Variants in CES1 observed in about 807,000 individuals in gnomAD.
CES1 encodes liver carboxylesterase 1.
In CES1, 50 loss-of-function variants were observed where a neutral mutation model predicts 53.0. The ratio of observed to expected loss-of-function variants is 0.94; its 90% CI spans 0.75 to 1.19. CES1 has a LOEUF of 1.19. CES1 is among the 50% of genes most tolerant of loss of function. The pLI is 0.00. For synonymous variants in CES1, 202 were observed against 210.1 expected (o/e 0.96, Z 0.33); for missense variants, 534 against 538.0 (o/e 0.99, Z 0.07).
chr16:55,832,267 C>T lies in CES1; in HGVS notation c.52+737G>A, dbSNP rs191993923. ...CCTGTCCCCTCCCCAGGCTCTGCTG[C>T]TTCCCCTTGTGCCCCGCGCACTGGT... On this transcript the variant is annotated intron_variant, in intron 1 of 13. Transcript: ENST00000360526. Among the ~76,000 whole-genome samples the T allele has an allele frequency of 6.7e-3, 1,018 of 152,260 alleles. 1 individual carries two copies. Among genetic ancestry groups the T allele is most frequent in the African/African-American group, 0.023 (944 of 41,540 alleles).
intron 7 of CES1, 47 bp downstream of exon 7, chr16:55,819,488 C>T (rs1246131851): frequency 1.4e-6 from 2 of 1,415,840 alleles, no homozygotes; most frequent in East Asian, 4.5e-5. Context: ...ATGAAGAAGT[C>T]TGGGACCAAG....
intron 4 of CES1, among the ~76,000 whole-genome samples, chr16:55,822,869 T>C (rs2032257869): frequency 6.6e-6 from 1 of 151,928 alleles, no homozygotes; most frequent in African/African-American, 2.4e-5. Flanking sequence ...ACCAACTGAG[T>C]GGCGTGTTCA....
chr16:55,830,010 A>G (rs1351793562), intron 1 of CES1, among the ~76,000 whole-genome samples: 2 of 152,158 alleles, frequency 1.3e-5, no homozygotes, highest in African/African-American at 4.8e-5. Context: ...CAGTCACCTC[A>G]GTTTCTCTGA....
Position 55,822,648 on chromosome 16 carries a change from A to G in CES1, c.539+902T>C, listed in dbSNP as rs1205343502. On this transcript the variant is annotated intron_variant, in intron 4 of 13. Coordinates refer to ENST00000360526, the MANE Select transcript of CES1 (RefSeq NM_001025195.2). ...GGGCTTCAAAGGTGAGGTGGGCTGG[A>G]AACAGGGGCTCTGGCTGCTCCCTGG... Among the ~76,000 whole-genome samples the G allele has an allele frequency of 5.3e-5, 8 of 152,166 alleles. No homozygotes were observed. The East Asian group carries it at 1.5e-3, about 29-fold the overall frequency.
In CES1 at chr16:55,823,539, C is replaced by T. The variant is rs376118109; in HGVS notation, c.539+11G>A. On this transcript the variant is annotated intron_variant, in intron 4 of 13. Coordinates refer to ENST00000360526, the MANE Select transcript of CES1 (RefSeq NM_001025195.2). Reference sequence around the variant, plus strand: ...GGGCCAAAGTGCAGTGAGGAGAGTCCGATTTCTTACCTGAAGAATCCCCAG... The same window carrying T: ...GGGCCAAAGTGCAGTGAGGAGAGTCTGATTTCTTACCTGAAGAATCCCCAG... 103 of 1,610,448 alleles carry T rather than the reference C, an allele frequency of 6.4e-5. 3 individuals carry two copies. The highest frequency in any genetic ancestry group is 3.1e-4 in the East Asian group (14 of 44,876).
intron 2 of CES1, among the ~76,000 whole-genome samples, chr16:55,826,803 T>C (rs1461924142): frequency 1.3e-5 from 2 of 152,156 alleles, no homozygotes; most frequent in African/African-American, 2.4e-5. Context: ...ACCACCTGCC[T>C]CTCCCAGGCA....
chr16:55,826,273 C>A lies in CES1; in HGVS notation c.283G>T (p.Gly95Trp). The A allele has an allele frequency of 6.2e-7, 1 of 1,613,976 alleles. No homozygotes were observed. Among genetic ancestry groups the A allele is most frequent in the Non-Finnish European group, 8.5e-7 (1 of 1,179,876 alleles). The change falls in exon 3 of 14, where the codon GGG (glycine) becomes TGG (tryptophan). Residue 95 changes from glycine to tryptophan, a missense_variant. Physicochemically the swap from Gly to Trp is radical, Grantham distance 184. Around this residue, in one of 5 missense-constraint regions of CES1, gnomAD observed 164 missense variants for 162.4 expected, o/e 1.01. Coordinates refer to ENST00000360526, the MANE Select transcript of CES1 (RefSeq NM_001025195.2). ...PPMCTQDPKA[G>W]QLLSELFTNR... ...GTAAATAGCTCTGAGAGTAACTGCC[C>A]CGCCTTGGGATCTTGGGTGCACCTG...
intron 11 of CES1, among the ~76,000 whole-genome samples, chr16:55,808,948 T>G (rs1316085866): frequency 3.9e-5 from 6 of 151,930 alleles, no homozygotes; most frequent in African/African-American, 1.5e-4. Flanking sequence ...TGGAAATGAG[T>G]GATACATAGT....
intron 4 of CES1, among the ~76,000 whole-genome samples, chr16:55,822,213 G>A (rs1429717839): frequency 2.0e-5 from 3 of 152,364 alleles, no homozygotes; most frequent in Admixed American, 6.5e-5. Flanking sequence ...CAGAGGCATC[G>A]CATGATTCAA....
intron 2 of CES1, chr16:55,827,878 T>A (rs530673706): frequency 6.6e-6 from 1 of 152,222 alleles, no homozygotes; most frequent in African/African-American, 2.4e-5. Flanking sequence ...TATTACATCA[T>A]AATACTTTAC....
intron 9 of CES1, among the ~76,000 whole-genome samples, chr16:55,811,908 G>A (rs146876800): frequency 2.6e-5 from 4 of 152,342 alleles, no homozygotes; most frequent in Non-Finnish European, 5.9e-5. Flanking sequence ...TCTTCCTGCG[G>A]TCTAATGCAT....
At chr16:55,810,893 T>C (rs1391808360) in intron 10 of CES1, 34 bp downstream of exon 10, 1 of 1,581,884 alleles carries the variant, frequency 6.3e-7, no homozygotes, top group African/African-American at 1.3e-5. Flanking sequence ...CCTCTCTGGG[T>C]CTCAGCCAAT....
chr16:55,828,696 A>G, intron 2 of CES1, 71 bp downstream of exon 2: 2 of 1,571,486 alleles, frequency 1.3e-6, no homozygotes, highest in East Asian at 2.2e-5. Flanking sequence ...TCAGCCCGTC[A>G]GGGGACTGCC....
At chr16:55,822,578 C>T (rs1257129370) in intron 4 of CES1, among the ~76,000 whole-genome samples, 4 of 152,012 alleles carry the variant, frequency 2.6e-5, no homozygotes, top group Admixed American at 2.0e-4. Flanking sequence ...GTGGGGCACC[C>T]TTTAGACAGC....
In CES1 at chr16:55,828,514, G is replaced by T. The variant is rs114978065; in HGVS notation, c.260+253C>A. Among the ~76,000 whole-genome samples, 1,353 of 152,188 alleles carry T rather than the reference G, an allele frequency of 8.9e-3. 25 individuals are homozygous for T. Among genetic ancestry groups the T allele is most frequent in the African/African-American group, 0.031 (1,286 of 41,444 alleles). On this transcript the variant is annotated intron_variant, in intron 2 of 13. Coordinates refer to ENST00000360526, the MANE Select transcript of CES1 (RefSeq NM_001025195.2). ...TCCCCCTGCTAGAATGCACGCTCCA[G>T]GAACCTAGGGATCTTTGCTTTTTCA...
chr16:55,821,646 A>C (rs1328904769), intron 4 of CES1, 125 bp from the exon 5 acceptor site: 1 of 1,033,236 alleles, frequency 9.7e-7, no homozygotes, highest in Non-Finnish European at 1.5e-6. Context: ...AGCATCTCTG[A>C]GACCCTGCTT....
intron 7 of CES1, among the ~76,000 whole-genome samples, chr16:55,817,970 C>A (rs1464961772): frequency 6.6e-6 from 1 of 152,306 alleles, no homozygotes; most frequent in Admixed American, 6.5e-5. Flanking sequence ...TCCTTCCGGG[C>A]GTTAGAAAAC....
At chr16:55,812,138 A>C (rs2031727146) in intron 9 of CES1, among the ~76,000 whole-genome samples, 1 of 152,254 alleles carries the variant, frequency 6.6e-6, no homozygotes, top group African/African-American at 2.4e-5. Flanking sequence ...ATTACTGAAT[A>C]AATCTGTCCT....
intron 8 of CES1, 95 bp downstream of exon 8, chr16:55,816,829 T>C (rs1856252509): frequency 2.1e-6 from 3 of 1,416,880 alleles, no homozygotes; most frequent in African/African-American, 2.9e-5. Flanking sequence ...GGAGTTACTA[T>C]AATTACCCAA....
Sources: allele counts gnomAD v4.1 joint callset (sites outside exome capture counted in the v4.1 genomes callset), GRCh38; gene constraint gnomAD v4.1.1; regional missense constraint gnomAD v4.1.1; transcripts MANE v1.5; gene names NCBI Gene and HGNC (gene_info 2026-07-23, HGNC 2026-07-21).